The following PPP6R2 variants were observed in gnomAD, a reference collection of about 807,000 sequenced individuals.
PPP6R2 encodes the protein protein phosphatase 6 regulatory subunit 2.
In PPP6R2, 62 loss-of-function variants were observed where a neutral mutation model predicts 100.2. That is an observed-to-expected ratio of 0.62 (90% CI 0.50 to 0.76). The LOEUF (loss-of-function observed/expected upper bound fraction) is 0.76. Among genes scored for constraint, PPP6R2 ranks in the 30% least tolerant of loss-of-function variants. The pLI, the probability that PPP6R2 is intolerant of heterozygous loss-of-function variation, is 0.00. For missense variants in PPP6R2, 1,142 were observed against 1,276.3 expected, an observed-to-expected ratio of 0.89 and a Z score of 1.60; for synonymous variants, 525 against 514.7, an observed-to-expected ratio of 1.02 and a Z score of -0.27.
intron 1 of PPP6R2, among the ~76,000 whole-genome samples, chr22:50,352,740 CAAAAAAAA>C (rs755138488): frequency 7.6e-6 from 1 of 132,348 alleles, no homozygotes; most frequent in East Asian, 2.1e-4. Context: ...AAAACAAAAA[CAAAAAAAA>C]AAAACACACA....
chr22:50,435,637 G>T (rs2148243516), intron 13 of PPP6R2, among the ~76,000 whole-genome samples: 1 of 152,328 alleles, frequency 6.6e-6, no homozygotes, highest in East Asian at 1.9e-4. Flanking sequence ...AGGTGAGGAA[G>T]CTCTGGATAG....
Position 50,436,470 on chromosome 22 carries a change from T to C in PPP6R2, c.1602+18T>C, listed in dbSNP as rs112140355. 3,937 of 1,568,978 alleles carry C rather than the reference T, an allele frequency of 2.5e-3. 95 individuals carry two copies. In the African/African-American group the frequency reaches 0.046, roughly 18 times the overall value. On this transcript the variant is annotated intron_variant, in intron 14 of 23. Transcript: ENST00000612753. ...TGGACCTGGTGAGGAGGCTCGGGGC[T>C]GCCCCCTCGGTGCACGCACGGTGCT...
chr22:50,387,167 C>T (rs371695136), intron 2 of PPP6R2, among the ~76,000 whole-genome samples: 2 of 152,096 alleles, frequency 1.3e-5, no homozygotes, highest in South Asian at 2.1e-4. Context: ...CTCAAGCGAT[C>T]CCCCTGCCTC....
At chr22:50,397,954 T>C (rs1322079555) in intron 3 of PPP6R2, among the ~76,000 whole-genome samples, 4 of 132,364 alleles carry the variant, frequency 3.0e-5, no homozygotes, top group African/African-American at 1.2e-4. Context: ...CTCTGAGGAG[T>C]GTGACTTGGG....
chr22:50,440,070 C>T (rs779389393), intron 21 of PPP6R2, 21 bp downstream of exon 21: 7 of 1,597,042 alleles, frequency 4.4e-6, no homozygotes, highest in South Asian at 2.2e-5. Context: ...GCAGTGCAGG[C>T]GGCACCCAGC....
At chr22:50,384,842 GCGAT>G (rs1232352572) in intron 2 of PPP6R2, among the ~76,000 whole-genome samples, 1 of 152,152 alleles carries the variant, frequency 6.6e-6, no homozygotes, top group African/African-American at 2.4e-5. Flanking sequence ...CTGGGCTCAA[GCGAT>G]CCTCCCACCT....
chr22:50,353,019 G>A (rs1440172449), intron 1 of PPP6R2, among the ~76,000 whole-genome samples: 1 of 152,178 alleles, frequency 6.6e-6, no homozygotes, highest in African/African-American at 2.4e-5. Context: ...AGCTGTGATG[G>A]TGCCACTACA....
At chr22:50,388,284 C>G (rs768789456) in intron 2 of PPP6R2, among the ~76,000 whole-genome samples, 4 of 151,562 alleles carry the variant, frequency 2.6e-5, no homozygotes, top group Non-Finnish European at 5.9e-5. Context: ...GTCCCAGCTA[C>G]TTGGGAGGCT....
At chr22:50,348,453 A>G (rs943692353) in intron 1 of PPP6R2, among the ~76,000 whole-genome samples, 13 of 152,058 alleles carry the variant, frequency 8.5e-5, no homozygotes, top group Non-Finnish European at 1.8e-4. Flanking sequence ...ACTCAGGGTA[A>G]TTTCTGGGCT....
At chr22:50,419,043 G>C in intron 7 of PPP6R2, 64 bp downstream of exon 7, 1 of 1,309,716 alleles carries the variant, frequency 7.6e-7, no homozygotes, top group Non-Finnish European at 1.1e-6. Flanking sequence ...ACGTCTGTGA[G>C]CCTTGCTCTG....
chr22:50,353,952 A>G (rs1221244233), intron 1 of PPP6R2, among the ~76,000 whole-genome samples: 1 of 152,064 alleles, frequency 6.6e-6, no homozygotes, highest in African/African-American at 2.4e-5. Context: ...ACGATAACTG[A>G]TTATGTATCA....
At chr22:50,364,497 T>C (rs182306350) in intron 1 of PPP6R2, among the ~76,000 whole-genome samples, 2 of 152,274 alleles carry the variant, frequency 1.3e-5, no homozygotes, top group Admixed American at 6.5e-5. Context: ...CACATGGATA[T>C]TATGTCCTTC....
intron 6 of PPP6R2, among the ~76,000 whole-genome samples, chr22:50,417,987 G>A (rs1204357813): frequency 3.9e-5 from 6 of 152,174 alleles, no homozygotes; most frequent in East Asian, 3.8e-4. Flanking sequence ...GCAGGGGCAC[G>A]TTCCCATCAC....
rs2050345237 is a variant in PPP6R2 at position 50,372,122 on chromosome 22, A to G, written c.-45A>G. The stretch of plus-strand genomic sequence containing the variant: ...ATGTTTTTCTGTTTTGCCTGAATAC[A>G]TGATTTAAACAAGAGATTTCCACAG... On this transcript the variant is annotated 5_prime_UTR_variant, in exon 2 of 24. The change abolishes an upstream ATG in the 5' untranslated region. Transcript: ENST00000612753. 6.6e-6 allele frequency: 1 copy of G among 152,218 alleles called. No individual in the cohort carries two copies. 9.4% of individuals were successfully genotyped at this position (152,218 alleles called of 1,614,324 possible). A position where few individuals can be genotyped will look rare whatever the true frequency, so the allele number is the denominator to read the frequency against.
At chr22:50,408,504 C>G (rs1273862704) in intron 4 of PPP6R2, among the ~76,000 whole-genome samples, 2 of 152,134 alleles carry the variant, frequency 1.3e-5, no homozygotes, top group Non-Finnish European at 2.9e-5. Flanking sequence ...TGAAGGTCGC[C>G]AGCAGCAGTG....
intron 2 of PPP6R2, among the ~76,000 whole-genome samples, chr22:50,383,851 A>C (rs1306296181): frequency 6.6e-6 from 1 of 152,100 alleles, no homozygotes; most frequent in African/African-American, 2.4e-5. Context: ...AGCCTGGCCA[A>C]CATGGTGAAA....
intron 5 of PPP6R2, among the ~76,000 whole-genome samples, chr22:50,415,424 G>A (rs1255839161): frequency 6.6e-6 from 1 of 152,236 alleles, no homozygotes; most frequent in Non-Finnish European, 1.5e-5. Context: ...TTACACAGTG[G>A]ACACAGGATC....
At chr22:50,395,810 A>T (rs551799228) in intron 3 of PPP6R2, among the ~76,000 whole-genome samples, 96 of 149,710 alleles carry the variant, frequency 6.4e-4, no homozygotes, top group African/African-American at 2.3e-3. Context: ...CAAGCAATCC[A>T]CCCACCTCGG....
intron 2 of PPP6R2, among the ~76,000 whole-genome samples, chr22:50,372,983 T>C (rs1047298657): frequency 2.1e-4 from 31 of 150,842 alleles, no homozygotes; most frequent in African/African-American, 7.3e-4. Flanking sequence ...CACCGCGCCC[T>C]GTCCAAAGTT....
Sources: gnomAD v4.1 joint callset for allele counts (sites outside exome capture counted in the v4.1 genomes callset) on GRCh38, gnomAD v4.1.1 for gene constraint, MANE v1.5 for transcripts, NCBI Gene and HGNC (gene_info 2026-07-23, HGNC 2026-07-21) for gene names.